ADGRL3: variants seen among roughly 807,000 people sequenced by gnomAD.
The protein encoded by ADGRL3 is calcium-independent alpha-latrotoxin receptor 3.
In ADGRL3, 62 loss-of-function variants were observed where a neutral mutation model predicts 153.5. The ratio of observed to expected loss-of-function variants is 0.40; its 90% confidence interval spans 0.33 to 0.50. The LOEUF (loss-of-function observed/expected upper bound fraction) is 0.50. Among genes scored for constraint, ADGRL3 ranks in the 20% least tolerant of loss-of-function variants. The pLI is 0.47. For synonymous variants in ADGRL3, 710 were observed against 672.5 expected (o/e 1.06, Z -0.86); for missense variants, 1,641 against 1,859.4 (o/e 0.88, Z 2.16).
chr4:61,653,966 CTGT>C (rs2094359207), intron 5 of ADGRL3, among the ~76,000 whole-genome samples: 1 of 152,140 alleles, frequency 6.6e-6, no homozygotes, highest in African/African-American at 2.4e-5. Context: ...AGCCTAAAAG[CTGT>C]TGTTCTCAAG....
intron 1 of ADGRL3, among the ~76,000 whole-genome samples, chr4:61,363,143 G>C (rs1314620697): frequency 6.6e-6 from 1 of 152,120 alleles, no homozygotes; most frequent in African/African-American, 2.4e-5. Flanking sequence ...TAAGATGGCA[G>C]TTTCTCTATT....
intron 9 of ADGRL3, among the ~76,000 whole-genome samples, chr4:61,857,019 TCCTCC>T (rs2098281303): frequency 6.9e-6 from 1 of 145,414 alleles, no homozygotes; most frequent in Admixed American, 6.9e-5. Flanking sequence ...TTTCTTTCCT[TCCTCC>T]CTTCCTTCCT....
chr4:61,479,149 T>G (rs2098102555), intron 2 of ADGRL3, among the ~76,000 whole-genome samples: 1 of 152,084 alleles, frequency 6.6e-6, no homozygotes, highest in Non-Finnish European at 1.5e-5. Flanking sequence ...GGGAGATGCC[T>G]CTTGACATCT....
intron 6 of ADGRL3, among the ~76,000 whole-genome samples, chr4:61,709,611 A>G (rs958375492): frequency 2.0e-5 from 3 of 152,214 alleles, no homozygotes; most frequent in African/African-American, 4.8e-5. Flanking sequence ...ATAGGCAAGC[A>G]TTGATAGAAC....
At position 61,909,721 on chromosome 4, in the gene ADGRL3, T is replaced by C; in HGVS notation, c.2049T>C (p.Asp683=). The part of the protein sequence containing the change: ...QLRNLTPGGK[D]SAARSLNKLQ... ...GGAACTTGACCCCAGGTGGAAAAGATAGTGCTGCCCGGAGTTTGAACAAGG... is the reference window on the plus strand; with the variant it reads ...GGAACTTGACCCCAGGTGGAAAAGACAGTGCTGCCCGGAGTTTGAACAAGG... The change falls in exon 12 of 27, where the codon GAT becomes GAC. Residue 683 remains aspartate (D), a synonymous_variant. Coordinates refer to ENST00000683033, the MANE Select transcript of ADGRL3 (RefSeq NM_001387552.1). 7.7e-6 allele frequency: 12 copies of C among 1,565,408 alleles called. No homozygotes were observed. Among genetic ancestry groups the C allele is most frequent in the Non-Finnish European group, 1.0e-5 (12 of 1,155,130 alleles).
chr4:61,364,509 A>G (rs2096358908), intron 1 of ADGRL3, among the ~76,000 whole-genome samples: 2 of 152,018 alleles, frequency 1.3e-5, no homozygotes, highest in Admixed American at 1.3e-4. Flanking sequence ...AAAACAAAAC[A>G]TTGGCCTTAC....
At chr4:61,728,891 G>T (rs546632580) in intron 6 of ADGRL3, among the ~76,000 whole-genome samples, 2 of 152,102 alleles carry the variant, frequency 1.3e-5, no homozygotes, top group East Asian at 3.9e-4. Context: ...TAAGCATGAA[G>T]TGCATCTCAG....
chr4:62,044,613 A>G (rs1409609300), intron 25 of ADGRL3, 64 bp downstream of exon 25: 1 of 1,112,934 alleles, frequency 9.0e-7, no homozygotes, highest in Non-Finnish European at 1.3e-6. Context: ...CCTTAAATTC[A>G]TTGCTTTATT....
At chr4:61,866,021 C>T (rs1484534701) in intron 9 of ADGRL3, among the ~76,000 whole-genome samples, 1 of 152,180 alleles carries the variant, frequency 6.6e-6, no homozygotes, top group Non-Finnish European at 1.5e-5. Context: ...TGACCATTTA[C>T]ATTTCCTTTT....
intron 6 of ADGRL3, among the ~76,000 whole-genome samples, chr4:61,681,745 T>C (rs544161823): frequency 6.6e-6 from 1 of 152,196 alleles, no homozygotes; most frequent in South Asian, 2.1e-4. Flanking sequence ...ATTAAATACA[T>C]TTTTGCAACT....
intron 21 of ADGRL3, among the ~76,000 whole-genome samples, chr4:62,008,812 A>G (rs2151215263): frequency 6.6e-6 from 1 of 152,200 alleles, no homozygotes; most frequent in East Asian, 1.9e-4. Context: ...GCACACAGTC[A>G]TGTACTGCAT....
chr4:61,233,249 C>T (rs1030805042), intron 1 of ADGRL3, among the ~76,000 whole-genome samples: 3 of 152,170 alleles, frequency 2.0e-5, no homozygotes, highest in Admixed American at 6.5e-5. Flanking sequence ...GTGCCATCTA[C>T]GTAGGCATTT....
rs117012216 is a variant in ADGRL3, at chr4:61,624,170, T to C, written c.473+36730T>C. Among the ~76,000 whole-genome samples the C allele has an allele frequency of 3.6e-3, 547 of 152,272 alleles. 6 individuals are homozygous for C. The highest frequency in any genetic ancestry group is 0.031 in the Admixed American group (467 of 15,278). ...AAACAGCCTATTCAATTTTCATTTT[T>C]AAGGAAATGAATGGCATAGTGAAAA... is the stretch of plus-strand genomic sequence containing the variant. On this transcript the variant is annotated intron_variant, in intron 5 of 26. Coordinates refer to ENST00000683033, the MANE Select transcript of ADGRL3 (RefSeq NM_001387552.1).
At chr4:61,383,248 A>T (rs2096693059) in intron 2 of ADGRL3, 59 bp downstream of exon 2, 1 of 151,802 alleles carries the variant, frequency 6.6e-6, no homozygotes, top group African/African-American at 2.4e-5. Flanking sequence ...AAAAATATTT[A>T]CATTCAAGTT....
intron 1 of ADGRL3, among the ~76,000 whole-genome samples, chr4:61,355,566 C>T (rs1226984339): frequency 1.3e-5 from 2 of 152,030 alleles, no homozygotes; most frequent in Non-Finnish European, 1.5e-5. Context: ...TAAAAGTGAC[C>T]ATTTGAAAAT....
At chr4:61,333,256 C>T (rs1276870268) in intron 1 of ADGRL3, among the ~76,000 whole-genome samples, 1 of 151,974 alleles carries the variant, frequency 6.6e-6, no homozygotes, top group East Asian at 1.9e-4. Flanking sequence ...TATAAAATAG[C>T]TATATTATAT....
intron 4 of ADGRL3, among the ~76,000 whole-genome samples, chr4:61,549,440 A>G (rs1310146279): frequency 1.3e-5 from 2 of 151,838 alleles, no homozygotes; most frequent in Non-Finnish European, 3.0e-5. Flanking sequence ...ACTTTGCATT[A>G]ATTATTTTGT....
intron 1 of ADGRL3, among the ~76,000 whole-genome samples, chr4:61,337,705 A>G (rs61659642): frequency 0.023 from 3,525 of 152,026 alleles, 75 homozygotes; most frequent in South Asian, 0.058. Context: ...CTTCACGTGT[A>G]TTTTCTTTTT....
intron 4 of ADGRL3, among the ~76,000 whole-genome samples, chr4:61,560,761 T>C (rs1052519125): frequency 4.6e-5 from 7 of 152,110 alleles, no homozygotes; most frequent in African/African-American, 1.7e-4. Context: ...GGCTTCTCCG[T>C]CTACTTAAGG....
Sources: gnomAD v4.1 joint callset for allele counts (sites outside exome capture counted in the v4.1 genomes callset) on GRCh38, gnomAD v4.1.1 for gene constraint, MANE v1.5 for transcripts, NCBI Gene and HGNC (gene_info 2026-07-23, HGNC 2026-07-21) for gene names.